RBPMS: variants seen among roughly 807,000 people sequenced by gnomAD.
RBPMS encodes RNA-binding protein with multiple splicing.
Under a neutral mutation model 26.8 loss-of-function variants are expected in RBPMS, and 7 were observed. That is an observed-to-expected ratio of 0.26 (90% confidence interval 0.15 to 0.49). The LOEUF (loss-of-function observed/expected upper bound fraction) is 0.49, where lower values mean the gene tolerates loss of function less well. Ranked by LOEUF, RBPMS falls within the 20% of genes least tolerant of loss-of-function variation. The pLI is 0.98. For missense variants in RBPMS, 186 were observed against 250.0 expected (o/e 0.74, Z 1.73); for synonymous variants, 96 against 93.3 (o/e 1.03, Z -0.17).
intron 4 of RBPMS, among the ~76,000 whole-genome samples, chr8:30,502,540 C>T (rs1034956701): frequency 7.2e-5 from 11 of 152,230 alleles, no homozygotes; most frequent in African/African-American, 2.4e-4. Context: ...AGTTTAGTGC[C>T]GGGGAGGACG....
intron 5 of RBPMS, among the ~76,000 whole-genome samples, chr8:30,515,641 A>G (rs1822227140): frequency 6.6e-6 from 1 of 152,194 alleles, no homozygotes; most frequent in Non-Finnish European, 1.5e-5. Context: ...ATTTTAAAAA[A>G]CATGAATTAA....
At chr8:30,414,098 C>T (rs146126371) in intron 1 of RBPMS, among the ~76,000 whole-genome samples, 18 of 151,852 alleles carry the variant, frequency 1.2e-4, no homozygotes, top group Non-Finnish European at 2.7e-4. Context: ...TTGTCGTGCC[C>T]CCTCCTCCCC....
intron 5 of RBPMS, among the ~76,000 whole-genome samples, chr8:30,541,005 T>G (rs541246276): frequency 6.6e-6 from 1 of 152,290 alleles, no homozygotes; most frequent in South Asian, 2.1e-4. Context: ...ATGTCGAGCA[T>G]GAAGTTGCTA....
chr8:30,520,970 G>A (rs1037558806), intron 5 of RBPMS, among the ~76,000 whole-genome samples: 1 of 152,050 alleles, frequency 6.6e-6, no homozygotes, highest in African/African-American at 2.4e-5. Context: ...GTGGAAAGGT[G>A]GGACATGTAA....
chr8:30,549,575 T>C (rs1826130585), intron 6 of RBPMS: 3 of 1,613,924 alleles, frequency 1.9e-6, no homozygotes, highest in East Asian at 4.5e-5. Flanking sequence ...CCTGGCCTGG[T>C]TTCCTGTTTG....
intron 4 of RBPMS, among the ~76,000 whole-genome samples, chr8:30,498,712 G>A (rs970595053): frequency 1.3e-5 from 2 of 152,120 alleles, no homozygotes; most frequent in Non-Finnish European, 2.9e-5. Flanking sequence ...TTTTTGTATT[G>A]AGCAAATAAA....
chr8:30,438,180 G>A (rs546754893), intron 1 of RBPMS, among the ~76,000 whole-genome samples: 8 of 152,152 alleles, frequency 5.3e-5, no homozygotes, highest in South Asian at 2.1e-4. Flanking sequence ...ACTTTGGGAG[G>A]CCAGGACATG....
chr8:30,533,935 C>T (rs1186831751), intron 5 of RBPMS, among the ~76,000 whole-genome samples: 1 of 152,016 alleles, frequency 6.6e-6, no homozygotes. Flanking sequence ...AGTTCGAGAC[C>T]AGCCTGGCCT....
chr8:30,450,787 C>CAAAAGA (rs1814480639), intron 1 of RBPMS, among the ~76,000 whole-genome samples: 1 of 87,384 alleles, frequency 1.1e-5, no homozygotes, highest in African/African-American at 4.4e-5. Context: ...TGCCTGAAAG[C>CAAAAGA]AAAAAAAAAA....
intron 1 of RBPMS, 100 bp from the exon 2 acceptor site, chr8:30,474,679 T>C: frequency 1.4e-6 from 1 of 711,600 alleles, no homozygotes. Context: ...TTAGTATGAG[T>C]TGTGGAATAT....
chr8:30,521,373 G>A (rs1261878495), intron 5 of RBPMS, among the ~76,000 whole-genome samples: 1 of 152,172 alleles, frequency 6.6e-6, no homozygotes, highest in African/African-American at 2.4e-5. Flanking sequence ...GTCATGATTG[G>A]TTTGGGTTTA....
chr8:30,553,428 T>G (rs181509463), intron 6 of RBPMS: 2 of 152,362 alleles, frequency 1.3e-5, no homozygotes, highest in Admixed American at 1.3e-4. Context: ...GTTTGGAGTT[T>G]CTTGGACCAG....
chr8:30,465,029 G>A (rs1816343095), intron 1 of RBPMS, among the ~76,000 whole-genome samples: 1 of 152,164 alleles, frequency 6.6e-6, no homozygotes, highest in African/African-American at 2.4e-5. Flanking sequence ...CATTTCATAG[G>A]CTGACTAGGG....
chr8:30,491,738 T>A (rs533153258), intron 4 of RBPMS, among the ~76,000 whole-genome samples: 8 of 152,184 alleles, frequency 5.3e-5, no homozygotes, highest in Non-Finnish European at 1.2e-4. Flanking sequence ...AGAACGATCC[T>A]TAAAACATAT....
chr8:30,455,252 C>A (rs1278442191), intron 1 of RBPMS, among the ~76,000 whole-genome samples: 1 of 152,004 alleles, frequency 6.6e-6, no homozygotes, highest in Non-Finnish European at 1.5e-5. Flanking sequence ...TAAATACTAC[C>A]CAGTTAGGGC....
At chr8:30,505,067 A>G (rs966863880) in intron 5 of RBPMS, among the ~76,000 whole-genome samples, 1 of 152,192 alleles carries the variant, frequency 6.6e-6, no homozygotes, top group Non-Finnish European at 1.5e-5. Context: ...TAATAAGCTT[A>G]TTTCATTATA....
intron 7 of RBPMS, chr8:30,562,112 C>G (rs1245062825): frequency 1.2e-6 from 1 of 863,842 alleles, no homozygotes; most frequent in African/African-American, 1.8e-5. Context: ...AGGCGGATCA[C>G]TTGATGCCAG....
chr8:30,485,116 C>A (rs1818649501), intron 4 of RBPMS, among the ~76,000 whole-genome samples: 1 of 152,222 alleles, frequency 6.6e-6, no homozygotes, highest in Non-Finnish European at 1.5e-5. Flanking sequence ...CCAGGGCAGT[C>A]AAGACCTGCA....
chr8:30,534,433 T>G (rs1482114942), intron 5 of RBPMS, among the ~76,000 whole-genome samples: 1 of 152,264 alleles, frequency 6.6e-6, no homozygotes, highest in African/African-American at 2.4e-5. Context: ...TTTCTAGGGA[T>G]ACATTAACAT....
Sources: allele counts gnomAD v4.1 joint callset (sites outside exome capture counted in the v4.1 genomes callset), GRCh38; gene constraint gnomAD v4.1.1; transcripts MANE v1.5; gene names NCBI Gene and HGNC (gene_info 2026-07-23, HGNC 2026-07-21).